The following SPX variants were observed in gnomAD, a reference collection of about 807,000 sequenced individuals.
The protein encoded by SPX is spexin hormone.
A neutral mutation model predicts 19.2 loss-of-function variants in SPX; 22 were observed. The observed-to-expected ratio is 1.15, with a 90% CI of 0.82 to 1.64. The LOEUF is 1.64. Among genes scored for constraint, SPX ranks in the 40% most tolerant of loss-of-function variants. The probability of loss-of-function intolerance (pLI) is 0.00; values close to 1 mark genes in which losing one functional copy is unlikely to be tolerated. For synonymous variants in SPX, 50 were observed against 53.3 expected, an observed-to-expected ratio of 0.94 and a Z score of 0.27; for missense variants, 143 against 137.7, an observed-to-expected ratio of 1.04 and a Z score of -0.19.
intron 5 of SPX, 88 bp downstream of exon 5, chr12:21,529,172 C>G (rs917589397): frequency 7.6e-7 from 1 of 1,319,782 alleles, no homozygotes; most frequent in African/African-American, 1.5e-5. Context: ...ACCCCTCCCC[C>G]AGAATTTCTT....
At chr12:21,527,992 G>A in intron 4 of SPX, 2 of 565,704 alleles carry the variant, frequency 3.5e-6, no homozygotes, top group Admixed American at 3.3e-5. Flanking sequence ...GGAGCTGGGA[G>A]CTCGCGCGTC....
intron 5 of SPX, among the ~76,000 whole-genome samples, chr12:21,530,173 G>T (rs1375453545): frequency 6.6e-6 from 1 of 152,098 alleles, no homozygotes; most frequent in East Asian, 1.9e-4. Flanking sequence ...TGATAGAAAA[G>T]TTTTTGATTC....
At chr12:21,527,478 C>T in intron 3 of SPX, 2 of 600,390 alleles carry the variant, frequency 3.3e-6, no homozygotes, top group Non-Finnish European at 5.9e-6. Context: ...AGTAACCCGA[C>T]CTCCGCTCCA....
At chr12:21,529,870 G>A (rs1158806104) in intron 5 of SPX, among the ~76,000 whole-genome samples, 1 of 152,170 alleles carries the variant, frequency 6.6e-6, no homozygotes, top group Non-Finnish European at 1.5e-5. Context: ...GGAACCCAGC[G>A]ATTTTTGGAG....
chr12:21,529,051 A>G lies in SPX; in HGVS notation c.259A>G (p.Ile87Val), dbSNP rs755287040. ...ACTAACTATTCCGGAGGCAGCAACC[A>G]TCTTACTGGCGTCCCTTCAGAAATC... Reference protein sequence around the residue: ...QLLTIPEAATILLASLQKSPE... With the variant: ...QLLTIPEAATVLLASLQKSPE... Residue 87 changes from isoleucine (I) to valine (V), a missense_variant, in exon 5 of 6, where the codon ATC becomes GTC. Ile to Val is a conservative substitution (Grantham distance 29). Coordinates refer to ENST00000256969, the MANE Select transcript of SPX (RefSeq NM_030572.4). The G allele has an allele frequency of 1.2e-6, 2 of 1,614,178 alleles. No individual in the cohort carries two copies. The highest frequency in any genetic ancestry group is 1.7e-5 in the Admixed American group (1 of 60,026).
chr12:21,527,423 T>C (rs1347281333), intron 3 of SPX: 2 of 605,042 alleles, frequency 3.3e-6, no homozygotes, highest in Non-Finnish European at 5.8e-6. Context: ...GGAGGGTTGC[T>C]TCTCTTGGTC....
intron 4 of SPX, chr12:21,528,228 C>A (rs1264325781): frequency 6.4e-6 from 1 of 155,536 alleles, no homozygotes; most frequent in East Asian, 1.9e-4. Context: ...TTTACTCAGC[C>A]TCCTCTTAAA....
At position 21,532,933 on chromosome 12, in the gene SPX, G is replaced by C. The variant is rs1304530529; in HGVS notation, c.*1738G>C. On this transcript the variant is annotated 3_prime_UTR_variant, in exon 6 of 6. Coordinates refer to ENST00000256969, the MANE Select transcript of SPX (RefSeq NM_030572.4). ...GTACAAATATGCTGATTAATTAAAA[G>C]GTCCCTCTTCCCAATTTTCTATAAC... 1 of 152,116 alleles carries C rather than the reference G, an allele frequency of 6.6e-6. No homozygotes were observed. Among genetic ancestry groups the C allele is most frequent in the Non-Finnish European group, 1.5e-5 (1 of 68,034 alleles). The allele number at this position is 152,116 out of a possible 1,614,324, so 9.4% of individuals were successfully genotyped here. A position where few individuals can be genotyped will look rare whatever the true frequency, so the allele number is the denominator to read the frequency against.
rs1943861740 is a variant in SPX at position 21,531,149 on chromosome 12, A to T, written c.305A>T (p.Asn102Ile). The change falls in exon 6 of 6, where the codon AAC becomes ATC. Residue 102 changes from asparagine to isoleucine, a missense_variant. Physicochemically the swap from Asn to Ile is moderately radical, Grantham distance 149. Transcript: ENST00000256969. ...LQKSPEDEEK[N>I]FDQTRFLEDS... Reference sequence around the variant, plus strand: ...TTTTTTCTTACAGATGAAGAAAAAAACTTTGATCAAACCAGATTCCTGGAA... The same window carrying T: ...TTTTTTCTTACAGATGAAGAAAAAATCTTTGATCAAACCAGATTCCTGGAA... The T allele has an allele frequency of 5.0e-6, 8 of 1,587,220 alleles. No homozygotes were observed. The highest frequency in any genetic ancestry group is 6.9e-6 in the Non-Finnish European group (8 of 1,164,496).
At chr12:21,528,060 C>T (rs1343753887) in intron 4 of SPX, 1 of 461,890 alleles carries the variant, frequency 2.2e-6, no homozygotes, top group Non-Finnish European at 3.9e-6. Flanking sequence ...CTCCCCAAGC[C>T]TTATTGGCTT....
rs1248925656 is a variant in SPX at position 21,532,539 on chromosome 12, CATTA to C, written c.*1349_*1352del. On this transcript the variant is annotated 3_prime_UTR_variant, in exon 6 of 6. Transcript: ENST00000256969. ...GTATGGCATTATAATAGGCACCTGTCATTAATTATGATTTGATTTGAAAGTAGAC... is the reference window on the plus strand; with the variant it reads ...GTATGGCATTATAATAGGCACCTGTCATTATGATTTGATTTGAAAGTAGAC... 1.3e-5 allele frequency: 2 copies of C among 152,120 alleles called. No homozygotes were observed. Among genetic ancestry groups the C allele is most frequent in the Non-Finnish European group, 2.9e-5 (2 of 68,012 alleles). 9.4% of individuals were successfully genotyped at this position (152,120 alleles called of 1,614,324 possible).
At chr12:21,528,143 C>G (rs531729631) in intron 4 of SPX, 17 of 234,952 alleles carry the variant, frequency 7.2e-5, no homozygotes, top group African/African-American at 3.9e-4. Flanking sequence ...TGAGGTGCAG[C>G]TCAGAGGGGT....
In SPX at chr12:21,527,787, C is replaced by T. The variant is rs1565586415; in HGVS notation, c.206C>T (p.Pro69Leu). 6.4e-7 allele frequency: 1 copy of T among 1,570,882 alleles called. No individual in the cohort carries two copies. Among genetic ancestry groups the T allele is most frequent in the East Asian group, 2.3e-5 (1 of 43,358 alleles). The change falls in exon 4 of 6, where the codon CCG (proline) becomes CTG (leucine). Residue 69 changes from proline (P) to leucine (L), a missense_variant and splice_region_variant. Transcript: ENST00000256969. ...AAGGACCTCTCCGACCGGCCACTGC[C>T]GGGTGAGTGACCAAGGGTGCAAGGG... ...RRKDLSDRPL[P>L]ERRSPNPQLL...
intron 3 of SPX, chr12:21,527,404 T>G: frequency 1.6e-6 from 1 of 612,180 alleles, no homozygotes; most frequent in Non-Finnish European, 2.9e-6. Context: ...AAATTCTCCA[T>G]CCAAAACTGG....
At position 21,527,760 on chromosome 12, in the gene SPX, G is replaced by A. The variant is rs781488731; in HGVS notation, c.179G>A (p.Arg60Lys). The change falls in exon 4 of 6, where the codon AGA becomes AAA. Residue 60 changes from arginine to lysine, a missense_variant. Transcript: ENST00000256969. ...CGCTTCATCTCCGACCAGAGCCGGA[G>A]AAAGGACCTCTCCGACCGGCCACTG... Reference protein sequence around the residue: ...GRRFISDQSRRKDLSDRPLPE... With the variant: ...GRRFISDQSRKKDLSDRPLPE... 2.5e-6 allele frequency: 4 copies of A among 1,572,836 alleles called. No homozygotes were observed. Among genetic ancestry groups the A allele is most frequent in the Non-Finnish European group, 2.6e-6 (3 of 1,158,818 alleles).
chr12:21,527,416 G>A, intron 3 of SPX: 1 of 606,798 alleles, frequency 1.6e-6, no homozygotes, highest in Non-Finnish European at 2.9e-6. Context: ...CAAAACTGGA[G>A]GGTTGCTTCT....
chr12:21,529,122 A>C, intron 5 of SPX, 38 bp downstream of exon 5: 1 of 1,577,370 alleles, frequency 6.3e-7, no homozygotes, highest in Non-Finnish European at 8.7e-7. Flanking sequence ...GCATAACAGA[A>C]CAGCTTTGCT....
chr12:21,527,646 G>T (rs1037909985), intron 3 of SPX, 81 bp from the exon 4 acceptor site: 1 of 1,390,470 alleles, frequency 7.2e-7, no homozygotes, highest in Non-Finnish European at 1.0e-6. Context: ...CGGGGACTGC[G>T]CTGTGCCGGG....
chr12:21,527,594 C>G, intron 3 of SPX, 133 bp from the exon 4 acceptor site: 1 of 877,570 alleles, frequency 1.1e-6, no homozygotes. Context: ...TCGGCAGCCC[C>G]GCGCGACCCT....
Sources: allele counts gnomAD v4.1 joint callset (sites outside exome capture counted in the v4.1 genomes callset), GRCh38; gene constraint gnomAD v4.1.1; transcripts MANE v1.5; gene names NCBI Gene and HGNC (gene_info 2026-07-23, HGNC 2026-07-21).